The following CD300LG variants were observed in gnomAD, a reference collection of about 807,000 sequenced individuals.
CD300LG encodes the protein CD300 molecule like family member g, also known as CMRF35-like molecule 9.
CD300LG carries 29 observed loss-of-function variants against 31.5 expected under a neutral mutation model. The ratio of observed to expected loss-of-function variants is 0.92; its 90% confidence interval spans 0.68 to 1.25. CD300LG has a LOEUF of 1.25. CD300LG is among the 50% of genes most tolerant of loss of function. The probability of loss-of-function intolerance (pLI) is 0.00; values close to 1 mark genes in which losing one functional copy is unlikely to be tolerated. For missense variants in CD300LG, 396 were observed against 417.6 expected (o/e 0.95, Z 0.45); for synonymous variants, 175 against 177.2 (o/e 0.99, Z 0.10).
intron 5 of CD300LG, among the ~76,000 whole-genome samples, chr17:43,856,091 G>A (rs776538932): frequency 6.6e-6 from 1 of 152,126 alleles, no homozygotes; most frequent in Non-Finnish European, 1.5e-5. Flanking sequence ...ACAGGCATGA[G>A]CCACTACGCC....
At chr17:43,848,950 AG>A in intron 2 of CD300LG, 57 bp downstream of exon 2, 1 of 1,420,504 alleles carries the variant, frequency 7.0e-7, no homozygotes, top group Non-Finnish European at 9.8e-7. Flanking sequence ...GGGAAGAGGG[AG>A]GGGTGGTGGG....
chr17:43,858,120 C>T (rs1567855735), intron 6 of CD300LG: 2 of 1,335,892 alleles, frequency 1.5e-6, no homozygotes, highest in Non-Finnish European at 1.9e-6. Flanking sequence ...GCTACCATTG[C>T]CTTCTTTCCT....
intron 1 of CD300LG, 75 bp downstream of exon 1, chr17:43,847,334 G>T: frequency 6.8e-7 from 1 of 1,462,356 alleles, no homozygotes. Context: ...CCTCTTGACT[G>T]ACTGATAGCC....
At chr17:43,852,401 A>C (rs142622414) in intron 2 of CD300LG, among the ~76,000 whole-genome samples, 5,942 of 152,042 alleles carry the variant, frequency 0.039, 327 homozygotes, top group African/African-American at 0.12. Flanking sequence ...TTTAGTAGAG[A>C]GGGGGTTTCA....
intron 1 of CD300LG, among the ~76,000 whole-genome samples, chr17:43,847,772 TACAAACAA>T (rs145457270): frequency 8.0e-4 from 121 of 152,112 alleles, no homozygotes; most frequent in African/African-American, 1.9e-3. Flanking sequence ...ACCCCATCTC[TACAAACAA>T]ACAAACAAAC....
rs750173124 is a variant in CD300LG at position 43,857,151 on chromosome 17, CGCTT to C, written c.882_885del (p.Thr296ArgfsTer15). ...GAGGAACGAGAAGTTCTGCCTCTCA[CGCTT>C]GGTAAGGACAGAGGCATATGGAAGC... On this transcript the variant is annotated frameshift_variant and splice_region_variant, in exon 6 of 7. Coordinates refer to ENST00000317310, the MANE Select transcript of CD300LG (RefSeq NM_145273.4). LOFTEE classifies it low-confidence loss of function (END_TRUNC). The C allele has an allele frequency of 1.9e-6, 3 of 1,614,038 alleles. No individual in the cohort carries two copies. Among genetic ancestry groups the C allele is most frequent in the Non-Finnish European group, 2.5e-6 (3 of 1,180,004 alleles).
intron 6 of CD300LG, among the ~76,000 whole-genome samples, chr17:43,861,458 C>T (rs1199735316): frequency 6.6e-6 from 1 of 152,188 alleles, no homozygotes; most frequent in Non-Finnish European, 1.5e-5. Context: ...GACCTCACAT[C>T]CTCTTTTTTT....
At chr17:43,851,133 C>CAAAAAAAAAA (rs777282117) in intron 2 of CD300LG, among the ~76,000 whole-genome samples, 8 of 40,488 alleles carry the variant, frequency 2.0e-4, no homozygotes, top group South Asian at 9.0e-4. Flanking sequence ...GACTCAGTCT[C>CAAAAAAAAAA]AAAAAAAAAA....
chr17:43,847,662 G>A (rs1467810592), intron 1 of CD300LG, among the ~76,000 whole-genome samples: 3 of 152,168 alleles, frequency 2.0e-5, no homozygotes, highest in Admixed American at 2.0e-4. Context: ...GAATTATCAC[G>A]TTTCATCAAT....
intron 2 of CD300LG, among the ~76,000 whole-genome samples, chr17:43,851,681 C>CTCTG (rs1391382517): frequency 7.1e-6 from 1 of 140,192 alleles, no homozygotes; most frequent in Non-Finnish European, 1.5e-5. Flanking sequence ...CGGAGTCTCG[C>CTCTG]TCTGTCGCCC....
Position 43,861,819 on chromosome 17 carries a change from C to T in CD300LG, c.907C>T (p.Pro303Ser), listed in dbSNP as rs1243588085. The change falls in exon 7 of 7, where the codon CCT becomes TCT. Residue 303 changes from proline (P) to serine (S), a missense_variant. Transcript: ENST00000317310. Reference sequence around the variant, plus strand: ...ACAGACTGCGGAGGAAAAGGAAGCCCCTTCCCAGGCCCCTGAGGGGGACGT... The same window carrying T: ...ACAGACTGCGGAGGAAAAGGAAGCCTCTTCCCAGGCCCCTGAGGGGGACGT... The part of the protein sequence containing the change: ...SRLTAEEKEA[P>S]SQAPEGDVIS... 2 of 1,609,492 alleles carry T rather than the reference C, an allele frequency of 1.2e-6. No homozygotes were observed. Among genetic ancestry groups the T allele is most frequent in the South Asian group, 1.1e-5 (1 of 90,542 alleles).
chr17:43,857,867 G>C (rs1400591691), intron 6 of CD300LG: 2 of 1,537,206 alleles, frequency 1.3e-6, no homozygotes, highest in Non-Finnish European at 8.7e-7. Context: ...CCAGGCTGAG[G>C]GTGGTGCTCT....
intron 6 of CD300LG, 103 bp downstream of exon 6, chr17:43,857,259 C>T: frequency 1.3e-6 from 2 of 1,483,324 alleles, no homozygotes; most frequent in Non-Finnish European, 9.3e-7. Context: ...GTCCTCCTTG[C>T]CTGACCTAGA....
At chr17:43,851,954 C>T (rs944494493) in intron 2 of CD300LG, among the ~76,000 whole-genome samples, 8 of 152,058 alleles carry the variant, frequency 5.3e-5, no homozygotes, top group South Asian at 2.1e-4. Context: ...AAAAGAGATT[C>T]GCTGCTTCCA....
At chr17:43,852,260 C>T (rs1441684061) in intron 2 of CD300LG, among the ~76,000 whole-genome samples, 1 of 151,338 alleles carries the variant, frequency 6.6e-6, no homozygotes, top group African/African-American at 2.4e-5. Flanking sequence ...GGCTGGAGTG[C>T]AGTGGCGCAA....
intron 4 of CD300LG, among the ~76,000 whole-genome samples, chr17:43,854,459 C>G (rs1598396839): frequency 6.6e-6 from 1 of 152,230 alleles, no homozygotes; most frequent in Non-Finnish European, 1.5e-5. Flanking sequence ...TGTAAATGCA[C>G]TTGGCTACCG....
Position 43,853,921 on chromosome 17 carries a change from C to G in CD300LG, c.596C>G (p.Thr199Arg). 2 of 1,614,128 alleles carry G rather than the reference C, an allele frequency of 1.2e-6. No individual in the cohort carries two copies. Among genetic ancestry groups the G allele is most frequent in the South Asian group, 2.2e-5 (2 of 91,078 alleles). Residue 199 changes from threonine to arginine, a missense_variant, in exon 4 of 7, where the codon ACA (threonine) becomes AGA (arginine). Physicochemically the swap from Thr to Arg is moderately conservative, Grantham distance 71. Coordinates refer to ENST00000317310, the MANE Select transcript of CD300LG (RefSeq NM_145273.4). ...GGGCACGAAAGGACTTCTCAGTACACAGGAACCTCTCCTCACCCAGCGACC... is the reference window on the plus strand; with the variant it reads ...GGGCACGAAAGGACTTCTCAGTACAGAGGAACCTCTCCTCACCCAGCGACC... ...QYGHERTSQY[T>R]GTSPHPATSP... is the part of the protein sequence containing the mutation.
chr17:43,858,324 A>C, intron 6 of CD300LG: 1 of 998,364 alleles, frequency 1.0e-6, no homozygotes, highest in Non-Finnish European at 1.2e-6. Flanking sequence ...GCCACTGGCC[A>C]CCTCCAAGCC....
chr17:43,861,164 G>A (rs1016441877), intron 6 of CD300LG: 22 of 985,358 alleles, frequency 2.2e-5, no homozygotes, highest in South Asian at 9.4e-5. Flanking sequence ...CCCAGAGGAC[G>A]CTGTGATCAA....
Sources: allele counts gnomAD v4.1 joint callset (sites outside exome capture counted in the v4.1 genomes callset), GRCh38; gene constraint gnomAD v4.1.1; transcripts MANE v1.5; gene names NCBI Gene and HGNC (gene_info 2026-07-23, HGNC 2026-07-21).